MANEA: variants seen among roughly 807,000 people sequenced by gnomAD.
MANEA encodes mannosidase endo-alpha.
Under a neutral mutation model 36.8 loss-of-function variants are expected in MANEA, and 25 were observed. The ratio of observed to expected loss-of-function variants is 0.68; its 90% CI spans 0.50 to 0.95. The LOEUF (loss-of-function observed/expected upper bound fraction) is 0.95. Among genes scored for constraint, MANEA ranks in the 40% least tolerant of loss-of-function variants. MANEA has a pLI of 0.00. For missense variants in MANEA, 565 were observed against 558.8 expected (o/e 1.01, Z -0.11); for synonymous variants, 198 against 188.5 (o/e 1.05, Z -0.41).
chr6:95,605,380 T>G (rs1769684424), intron 4 of MANEA, among the ~76,000 whole-genome samples: 3 of 152,158 alleles, frequency 2.0e-5, no homozygotes, highest in African/African-American at 7.2e-5. Flanking sequence ...ACAGATGCCA[T>G]AGTCTTACAA....
chr6:95,579,099 G>C (rs1769130448), intron 1 of MANEA, among the ~76,000 whole-genome samples: 1 of 152,168 alleles, frequency 6.6e-6, no homozygotes, highest in South Asian at 2.1e-4. Flanking sequence ...GGCCTGGCGC[G>C]GTGCCTCACG....
At chr6:95,592,126 T>C (rs1471913999) in intron 2 of MANEA, among the ~76,000 whole-genome samples, 1 of 152,222 alleles carries the variant, frequency 6.6e-6, no homozygotes, top group African/African-American at 2.4e-5. Flanking sequence ...TTTTTTCTCA[T>C]TATGGTAATT....
rs750785747 is a variant in MANEA, at chr6:95,605,729, A to G, written c.732-19A>G. 51 of 1,580,562 alleles carry G rather than the reference A, an allele frequency of 3.2e-5. No individual in the cohort carries two copies. The highest frequency in any genetic ancestry group is 2.6e-6 in the Non-Finnish European group (3 of 1,155,870). ...AGTTGTGAATATTCATTTCACTTTTATATATGCTTATTTTCTAGATATGGA... is the reference window on the plus strand; with the variant it reads ...AGTTGTGAATATTCATTTCACTTTTGTATATGCTTATTTTCTAGATATGGA... On this transcript the variant is annotated intron_variant, in intron 4 of 4. Coordinates refer to ENST00000358812, the MANE Select transcript of MANEA (RefSeq NM_024641.4).
chr6:95,600,459 T>G (rs970694601), intron 3 of MANEA, among the ~76,000 whole-genome samples: 1 of 152,224 alleles, frequency 6.6e-6, no homozygotes, highest in African/African-American at 2.4e-5. Flanking sequence ...ATAGTTTTAT[T>G]GGATTTGTCT....
intron 1 of MANEA, 26 bp from the exon 2 acceptor site, chr6:95,586,372 TACTA>T (rs2127939184): frequency 1.6e-6 from 2 of 1,276,020 alleles, no homozygotes; most frequent in East Asian, 4.6e-5. Context: ...TGATAACACT[TACTA>T]ATTATCTTTT....
intron 3 of MANEA, among the ~76,000 whole-genome samples, chr6:95,600,010 C>G (rs1215612215): frequency 6.6e-6 from 1 of 152,158 alleles, no homozygotes; most frequent in Non-Finnish European, 1.5e-5. Flanking sequence ...TGCCAAAATC[C>G]TGGAAGATGG....
At chr6:95,586,072 A>G (rs1169703883) in intron 1 of MANEA, among the ~76,000 whole-genome samples, 6 of 152,330 alleles carry the variant, frequency 3.9e-5, no homozygotes, top group Non-Finnish European at 7.4e-5. Context: ...TACATTCAGC[A>G]TACATGTAAT....
Position 95,590,629 on chromosome 6 carries a change from A to G in MANEA, c.544+3646A>G, listed in dbSNP as rs144780569. On this transcript the variant is annotated intron_variant, in intron 2 of 4. Coordinates refer to ENST00000358812, the MANE Select transcript of MANEA (RefSeq NM_024641.4). ...CATAAAATTTCCTTTTATAATAACT[A>G]TTTGCATTAAGTTTAAAGGTTATAT... Among the ~76,000 whole-genome samples, 116 of 152,318 alleles carry G rather than the reference A, an allele frequency of 7.6e-4. No homozygotes were observed. The Middle Eastern group carries it at 0.017, about 22-fold the overall frequency.
intron 3 of MANEA, among the ~76,000 whole-genome samples, chr6:95,600,521 G>A (rs1481516741): frequency 6.6e-6 from 1 of 152,220 alleles, no homozygotes; most frequent in African/African-American, 2.4e-5. Flanking sequence ...ATAAAATGCA[G>A]TAAATCCTGT....
chr6:95,605,062 C>T (rs1367857392), intron 4 of MANEA, among the ~76,000 whole-genome samples, 159 bp downstream of exon 4: 1 of 151,942 alleles, frequency 6.6e-6, no homozygotes, highest in Non-Finnish European at 1.5e-5. Context: ...ACCATCATTT[C>T]GAAGAACATT....
chr6:95,603,603 T>C (rs904552871), intron 3 of MANEA, among the ~76,000 whole-genome samples: 1 of 152,112 alleles, frequency 6.6e-6, no homozygotes, highest in South Asian at 2.1e-4. Flanking sequence ...GTAGCACTGA[T>C]TAATGTAAAA....
intron 2 of MANEA, 22 bp downstream of exon 2, chr6:95,587,005 A>ATCTG (rs148967607): frequency 7.8e-7 from 1 of 1,278,172 alleles, no homozygotes; most frequent in Non-Finnish European, 1.1e-6. Context: ...ATATATATAT[A>ATCTG]TGTGTGTTTG....
At chr6:95,592,494 T>C (rs1046357111) in intron 2 of MANEA, among the ~76,000 whole-genome samples, 1 of 152,186 alleles carries the variant, frequency 6.6e-6, no homozygotes, top group Non-Finnish European at 1.5e-5. Context: ...GTTAAAAGTA[T>C]GTCACCCTGG....
chr6:95,590,268 T>G (rs1769363860), intron 2 of MANEA: 1 of 152,250 alleles, frequency 6.6e-6, no homozygotes, highest in South Asian at 2.1e-4. Flanking sequence ...TAATGTACTC[T>G]ATGACTTTAA....
intron 1 of MANEA, among the ~76,000 whole-genome samples, chr6:95,583,908 T>C (rs1336709563): frequency 1.3e-5 from 2 of 152,208 alleles, no homozygotes; most frequent in Non-Finnish European, 2.9e-5. Context: ...TTGGTTAGTT[T>C]AGTGTTTCTT....
chr6:95,590,790 A>C (rs1308236506), intron 2 of MANEA, among the ~76,000 whole-genome samples: 1 of 152,168 alleles, frequency 6.6e-6, no homozygotes, highest in Non-Finnish European at 1.5e-5. Flanking sequence ...CTTAATGTGT[A>C]ATGTAAGGTC....
Position 95,606,065 on chromosome 6 carries a change from T to G in MANEA, c.1049T>G (p.Leu350Ter). Residue 350 changes from leucine to a stop codon, truncating the protein, a stop_gained, in exon 5 of 5, where the codon TTA (leucine) becomes TGA (stop). Coordinates refer to ENST00000358812, the MANE Select transcript of MANEA (RefSeq NM_024641.4). LOFTEE classifies it high-confidence loss of function. ...AAATTATTTTGTGATAAATACAACT[T>G]AATATTTATCCCAAGTGTGGGCCCA... ...SLKLFCDKYN[L>*]IFIPSVGPGY... is the part of the protein sequence containing the mutation. 1 of 1,613,992 alleles carries G rather than the reference T, an allele frequency of 6.2e-7. No individual in the cohort carries two copies. The highest frequency in any genetic ancestry group is 8.5e-7 in the Non-Finnish European group (1 of 1,179,940).
At chr6:95,602,116 A>G (rs1296402664) in intron 3 of MANEA, among the ~76,000 whole-genome samples, 1 of 152,226 alleles carries the variant, frequency 6.6e-6, no homozygotes. Context: ...ACCTAAATCC[A>G]GTATAAGTGA....
At chr6:95,601,869 T>C (rs1398672179) in intron 3 of MANEA, among the ~76,000 whole-genome samples, 1 of 152,120 alleles carries the variant, frequency 6.6e-6, no homozygotes, top group Non-Finnish European at 1.5e-5. Context: ...ACATTTCTTA[T>C]ACTAGGTTTA....
Sources: gnomAD v4.1 joint callset for allele counts (sites outside exome capture counted in the v4.1 genomes callset) on GRCh38, gnomAD v4.1.1 for gene constraint, MANE v1.5 for transcripts, NCBI Gene and HGNC (gene_info 2026-07-23, HGNC 2026-07-21) for gene names.